MACC1: variants seen among roughly 807,000 people sequenced by gnomAD.
MACC1 encodes MET transcriptional regulator MACC1.
Under a neutral mutation model 70.7 loss-of-function variants are expected in MACC1, and 79 were observed. The observed-to-expected ratio is 1.12, with a 90% confidence interval of 0.93 to 1.35. The LOEUF (loss-of-function observed/expected upper bound fraction) is 1.35. Ranked by LOEUF, MACC1 falls within the 40% of genes most tolerant of loss-of-function variation. The pLI, the probability that MACC1 is intolerant of heterozygous loss-of-function variation, is 0.00. For missense variants in MACC1, 1,106 were observed against 978.1 expected (o/e 1.13, Z -1.74); for synonymous variants, 361 against 347.2 (o/e 1.04, Z -0.44).
rs1211282301 is a variant in MACC1 at position 20,134,800 on chromosome 7, T to C, written c.*6146A>G. On this transcript the variant is annotated 3_prime_UTR_variant, in exon 7 of 7. Transcript: ENST00000400331. ...CAAAAGGGCAGAGTCTTGATATCTT[T>C]AAGAACAGAGAAAAGGAAGCCATAG... 1.3e-5 allele frequency: 2 copies of C among 152,182 alleles called. No individual in the cohort carries two copies. Among genetic ancestry groups the C allele is most frequent in the African/African-American group, 4.8e-5 (2 of 41,448 alleles). 9.4% of individuals were successfully genotyped at this position (152,182 alleles called of 1,614,324 possible).
intron 3 of MACC1, 48 bp from the exon 4 acceptor site, chr7:20,161,918 C>G: frequency 1.8e-6 from 2 of 1,119,272 alleles, no homozygotes; most frequent in East Asian, 2.4e-5. Context: ...CATATACAGG[C>G]TGGCAGAGAA....
chr7:20,201,245 A>G (rs1288824280), intron 1 of MACC1, among the ~76,000 whole-genome samples: 7 of 152,158 alleles, frequency 4.6e-5, no homozygotes, highest in Non-Finnish European at 8.8e-5. Flanking sequence ...TGTCCCCCCC[A>G]TGGACTAATT....
chr7:20,155,422 G>A (rs1432454432), intron 5 of MACC1, among the ~76,000 whole-genome samples: 1 of 152,124 alleles, frequency 6.6e-6, no homozygotes, highest in Non-Finnish European at 1.5e-5. Context: ...AAAATATAAC[G>A]ATCATAACAA....
intron 1 of MACC1, among the ~76,000 whole-genome samples, chr7:20,195,076 T>A (rs144846217): frequency 3.9e-5 from 6 of 152,316 alleles, no homozygotes; most frequent in African/African-American, 1.4e-4. Context: ...TTTTTCCTCC[T>A]AATCTTAACG....
chr7:20,165,325 C>A (rs375310497), intron 2 of MACC1, among the ~76,000 whole-genome samples: 2 of 152,148 alleles, frequency 1.3e-5, no homozygotes. Context: ...TACTGTGGTT[C>A]GGTTCCAAGG....
At chr7:20,178,296 CA>C (rs1562593261) in intron 1 of MACC1, among the ~76,000 whole-genome samples, 8 of 42,666 alleles carry the variant, frequency 1.9e-4, no homozygotes, top group African/African-American at 1.1e-3. Context: ...CACACACACA[CA>C]CTCCAGAGAA....
chr7:20,161,324 T>C (rs1180090750), intron 4 of MACC1, among the ~76,000 whole-genome samples: 1 of 152,086 alleles, frequency 6.6e-6, no homozygotes, highest in Non-Finnish European at 1.5e-5. Flanking sequence ...TGCTAAAAAT[T>C]AGAAGACGGA....
intron 1 of MACC1, among the ~76,000 whole-genome samples, chr7:20,210,218 CATT>C (rs1168419033): frequency 6.6e-6 from 1 of 151,832 alleles, no homozygotes; most frequent in Non-Finnish European, 1.5e-5. Flanking sequence ...GCAAAAAACA[CATT>C]ATTTTATAAA....
chr7:20,159,680 T>C lies in MACC1; in HGVS notation c.681A>G (p.Leu227=). 1 of 1,614,160 alleles carries C rather than the reference T, an allele frequency of 6.2e-7. No homozygotes were observed. The change falls in exon 5 of 7, where the codon TTA becomes TTG. Residue 227 remains leucine, a synonymous_variant. Transcript: ENST00000400331. The part of the protein sequence containing the change: ...KVNHQGGSVQ[L]PESDITVHVP... ...CATGAACAGTGATGTCTGATTCAGG[T>C]AATTGTACTGACCCTCCTTGATGGT...
intron 5 of MACC1, among the ~76,000 whole-genome samples, chr7:20,157,730 G>T (rs1417910273): frequency 1.4e-5 from 2 of 138,754 alleles, no homozygotes; most frequent in African/African-American, 2.7e-5. Flanking sequence ...TCGTGCCACT[G>T]CACTCCAGCC....
chr7:20,179,837 T>C (rs557274868), intron 1 of MACC1, among the ~76,000 whole-genome samples: 8 of 152,230 alleles, frequency 5.3e-5, no homozygotes, highest in Non-Finnish European at 7.3e-5. Context: ...AAAGCCAAAA[T>C]TCAGCTCCCA....
At chr7:20,143,720 T>G (rs534088312) in intron 6 of MACC1, among the ~76,000 whole-genome samples, 1 of 151,890 alleles carries the variant, frequency 6.6e-6, no homozygotes, top group Non-Finnish European at 1.5e-5. Flanking sequence ...AACAACAGAG[T>G]AGTGTCGATA....
At chr7:20,199,929 T>G (rs1782808317) in intron 1 of MACC1, among the ~76,000 whole-genome samples, 1 of 152,134 alleles carries the variant, frequency 6.6e-6, no homozygotes, top group Non-Finnish European at 1.5e-5. Context: ...AAAACGACCT[T>G]GCAAACCAAG....
At chr7:20,197,936 A>T (rs1463609908) in intron 1 of MACC1, among the ~76,000 whole-genome samples, 1 of 152,318 alleles carries the variant, frequency 6.6e-6, no homozygotes, top group South Asian at 2.1e-4. Context: ...TACTTCATTT[A>T]TAGAAATATT....
intron 6 of MACC1, among the ~76,000 whole-genome samples, chr7:20,151,687 A>T (rs907848215): frequency 3.9e-5 from 6 of 152,350 alleles, no homozygotes; most frequent in Admixed American, 6.5e-5. Flanking sequence ...AAAATCTGAC[A>T]AATTTATTAT....
At chr7:20,192,713 A>C (rs1159624351) in intron 1 of MACC1, among the ~76,000 whole-genome samples, 1 of 152,244 alleles carries the variant, frequency 6.6e-6, no homozygotes, top group African/African-American at 2.4e-5. Flanking sequence ...AGCAATAGAT[A>C]CTGAAACATG....
Position 20,159,909 on chromosome 7 carries a change from G to A in MACC1, c.452C>T (p.Ala151Val), listed in dbSNP as rs35420793. The change falls in exon 5 of 7, where the codon GCA becomes GTA. Residue 151 changes from alanine to valine, a missense_variant. Coordinates refer to ENST00000400331, the MANE Select transcript of MACC1 (RefSeq NM_182762.4). ...SELLDILDDT[A>V]HAHQSIHNSD... ...GTTATGTATACTCTGATGGGCATGT[G>A]CTGTGTCGTCTAAAATGTCCAGAAG... The A allele has an allele frequency of 0.022, 36,094 of 1,614,076 alleles. 537 individuals carry two copies. The highest frequency in any genetic ancestry group is 0.026 in the Non-Finnish European group (30,671 of 1,179,978).
At chr7:20,180,062 AT>A (rs1782477783) in intron 1 of MACC1, among the ~76,000 whole-genome samples, 1 of 152,204 alleles carries the variant, frequency 6.6e-6, no homozygotes, top group Non-Finnish European at 1.5e-5. Flanking sequence ...ATTCTGCTAA[AT>A]TTTTTAATTA....
At chr7:20,142,528 C>T (rs986808117) in intron 6 of MACC1, among the ~76,000 whole-genome samples, 11 of 152,254 alleles carry the variant, frequency 7.2e-5, no homozygotes, top group Admixed American at 6.5e-4. Context: ...CCTCACCAAC[C>T]GGATTAATAA....
Sources: allele counts gnomAD v4.1 joint callset (sites outside exome capture counted in the v4.1 genomes callset), GRCh38; gene constraint gnomAD v4.1.1; transcripts MANE v1.5; gene names NCBI Gene and HGNC (gene_info 2026-07-23, HGNC 2026-07-21).